Variants in FAM124A observed in about 807,000 individuals in gnomAD.
The protein encoded by FAM124A is protein FAM124A.
A neutral mutation model predicts 24.5 loss-of-function variants in FAM124A; 23 were observed. The ratio of observed to expected loss-of-function variants is 0.94; its 90% confidence interval spans 0.68 to 1.33. The LOEUF is 1.33. FAM124A is among the 40% of genes most tolerant of loss of function. The pLI is 0.00. For missense variants in FAM124A, 623 were observed against 722.8 expected (o/e 0.86, Z 1.58); for synonymous variants, 287 against 314.7 (o/e 0.91, Z 0.93).
At chr13:51,256,229 G>T (rs1593601710) in intron 3 of FAM124A, among the ~76,000 whole-genome samples, 1 of 152,334 alleles carries the variant, frequency 6.6e-6, no homozygotes, top group East Asian at 1.9e-4. Context: ...GATTGTGGCT[G>T]TACTTTTAGG....
intron 1 of FAM124A, among the ~76,000 whole-genome samples, chr13:51,230,074 A>ATT (rs920986371): frequency 2.0e-4 from 29 of 148,082 alleles, no homozygotes; most frequent in Non-Finnish European, 3.1e-4. Flanking sequence ...AAAATATTGA[A>ATT]TTATATATAT....
chr13:51,230,018 C>T (rs1438015940), intron 1 of FAM124A, among the ~76,000 whole-genome samples: 1 of 152,158 alleles, frequency 6.6e-6, no homozygotes, highest in Non-Finnish European at 1.5e-5. Context: ...CATTGCTCAC[C>T]TCCTGGCCTC....
intron 2 of FAM124A, among the ~76,000 whole-genome samples, chr13:51,233,962 C>G (rs1242418442): frequency 3.3e-5 from 5 of 152,146 alleles, no homozygotes; most frequent in Non-Finnish European, 7.3e-5. Context: ...CCGTCTGTGT[C>G]CAGCAGGGTC....
intron 1 of FAM124A, among the ~76,000 whole-genome samples, chr13:51,222,981 C>T (rs1002990143): frequency 6.6e-6 from 1 of 152,164 alleles, no homozygotes; most frequent in Non-Finnish European, 1.5e-5. Flanking sequence ...GGGACACCCG[C>T]ACCTAAAAGT....
At chr13:51,241,254 CTG>C (rs1158518471) in intron 2 of FAM124A, among the ~76,000 whole-genome samples, 1 of 152,250 alleles carries the variant, frequency 6.6e-6, no homozygotes, top group Non-Finnish European at 1.5e-5. Context: ...ATTAAGAAAA[CTG>C]TGGGAAAGGG....
rs150343168 is a variant in FAM124A, at chr13:51,251,246, AAACTATTC to A, written c.101-220_101-213del. ...GTTCTCCTCACCCTGTCCAGCTTAG[AAACTATTC>A]ACGTAGCAACAGCCCTTTCCTCTTT... On this transcript the variant is annotated intron_variant, in intron 2 of 3. Coordinates refer to ENST00000322475, the MANE Select transcript of FAM124A (RefSeq NM_001242312.2). This position sits in a 1 kb window ranked among gnomAD's most constrained non-coding sequence, Gnocchi z 5.3. Among the ~76,000 whole-genome samples the A allele has an allele frequency of 5.6e-4, 86 of 152,338 alleles. No homozygotes were observed. The highest frequency in any genetic ancestry group is 1.1e-3 in the Non-Finnish European group (77 of 68,028).
chr13:51,223,544 AC>A (rs1954284148), intron 1 of FAM124A, among the ~76,000 whole-genome samples: 2 of 152,262 alleles, frequency 1.3e-5, no homozygotes, highest in South Asian at 4.1e-4. Flanking sequence ...GGATTTGGCA[AC>A]CCTGTGAGGG....
chr13:51,263,874 T>C (rs1388755579), intron 3 of FAM124A, among the ~76,000 whole-genome samples: 1 of 152,238 alleles, frequency 6.6e-6, no homozygotes, highest in East Asian at 1.9e-4. Flanking sequence ...GAGGATTAAG[T>C]GCTCAGCTTC....
chr13:51,269,621 A>G (rs1400130404), intron 3 of FAM124A, among the ~76,000 whole-genome samples: 1 of 152,254 alleles, frequency 6.6e-6, no homozygotes, highest in African/African-American at 2.4e-5. Context: ...CATTAAATGT[A>G]TAAATGAAGT....
intron 3 of FAM124A, among the ~76,000 whole-genome samples, chr13:51,266,240 T>A (rs1237557366): frequency 6.6e-6 from 1 of 152,258 alleles, no homozygotes; most frequent in East Asian, 1.9e-4. Context: ...ATATAAAAGC[T>A]ATCATCTGCT....
intron 2 of FAM124A, among the ~76,000 whole-genome samples, chr13:51,234,950 A>G (rs1051512704): frequency 1.3e-5 from 2 of 152,004 alleles, no homozygotes; most frequent in African/African-American, 2.4e-5. Context: ...AGGCATGTGG[A>G]CTGCTGGGCA....
chr13:51,280,373 A>T (rs550478242), intron 3 of FAM124A, 77 bp from the exon 4 acceptor site: 2 of 1,320,232 alleles, frequency 1.5e-6, no homozygotes, highest in Admixed American at 2.5e-5. Context: ...GGAGTTTCCA[A>T]TGATTGGTAA....
rs189719183 is a variant in FAM124A, at chr13:51,260,192, C to T, written c.834+7991C>T. On this transcript the variant is annotated intron_variant, in intron 3 of 3. Transcript: ENST00000322475. ...GCCATCCTGTACCCTGTCCCTGCCCCTTATGCCAAGCCTGAGGCCTGTGGG... is the reference window on the plus strand; with the variant it reads ...GCCATCCTGTACCCTGTCCCTGCCCTTTATGCCAAGCCTGAGGCCTGTGGG... Among the ~76,000 whole-genome samples, 3 of 152,318 alleles carry T rather than the reference C, an allele frequency of 2.0e-5. No individual in the cohort carries two copies. In the East Asian group the frequency reaches 5.8e-4, roughly 29 times the overall value.
intron 3 of FAM124A, among the ~76,000 whole-genome samples, chr13:51,274,805 A>G (rs921093299): frequency 6.6e-6 from 1 of 152,230 alleles, no homozygotes; most frequent in African/African-American, 2.4e-5. Context: ...GTTTAAACAC[A>G]TAATTGCAGG....
chr13:51,242,161 C>T (rs1954503503), intron 2 of FAM124A, among the ~76,000 whole-genome samples: 1 of 152,134 alleles, frequency 6.6e-6, no homozygotes, highest in South Asian at 2.1e-4. Context: ...CTCTTGTTTC[C>T]AAGCCCTGCT....
intron 1 of FAM124A, among the ~76,000 whole-genome samples, chr13:51,227,877 A>T (rs1954332027): frequency 6.6e-6 from 1 of 152,250 alleles, no homozygotes. Context: ...TTAAGACATA[A>T]CAAAAAATCA....
At chr13:51,255,673 G>A (rs569161736) in intron 3 of FAM124A, among the ~76,000 whole-genome samples, 16 of 152,304 alleles carry the variant, frequency 1.1e-4, no homozygotes, top group African/African-American at 1.9e-4. Context: ...GTGCTCAGCC[G>A]CACCTCTCCA....
Position 51,274,168 on chromosome 13 carries a change from C to A in FAM124A, c.835-6282C>A, listed in dbSNP as rs180994878. ...TCAATATCCATGTTGTTTCCTAGAA[C>A]TTCTAGGTGCCCAGCCCTTTTCTGT... On this transcript the variant is annotated intron_variant, in intron 3 of 3. Coordinates refer to ENST00000322475, the MANE Select transcript of FAM124A (RefSeq NM_001242312.2). Among the ~76,000 whole-genome samples, 86 of 152,304 alleles carry A rather than the reference C, an allele frequency of 5.6e-4. 2 individuals are homozygous for A. The East Asian group carries it at 0.015, about 27-fold the overall frequency.
rs1954699846 is a variant in FAM124A, at chr13:51,258,659, C to T, written c.834+6458C>T. Among the ~76,000 whole-genome samples the T allele has an allele frequency of 6.6e-6, 1 of 152,204 alleles. No individual in the cohort carries two copies. The highest frequency in any genetic ancestry group is 1.5e-5 in the Non-Finnish European group (1 of 68,040). On this transcript the variant is annotated intron_variant, in intron 3 of 3. Coordinates refer to ENST00000322475, the MANE Select transcript of FAM124A (RefSeq NM_001242312.2). The surrounding 1 kb of genome is among the most constrained non-coding windows in gnomAD (Gnocchi z 4.2). ...GGGCTTCAGAGTCTCAACTCTTGTA[C>T]TCACCTGTTGAGTGGCTAGGGGCAT...
Sources: allele counts gnomAD v4.1 joint callset (sites outside exome capture counted in the v4.1 genomes callset), GRCh38; gene constraint gnomAD v4.1.1; non-coding constraint Gnocchi (gnomAD v3.1); transcripts MANE v1.5; gene names NCBI Gene and HGNC (gene_info 2026-07-23, HGNC 2026-07-21).